The following GALNT13 variants were observed in gnomAD, a reference collection of about 807,000 sequenced individuals.
The protein encoded by GALNT13 is polypeptide N-acetylgalactosaminyltransferase 13.
Under a neutral mutation model 64.2 loss-of-function variants are expected in GALNT13, and 28 were observed. That is an observed-to-expected ratio of 0.44 (90% CI 0.32 to 0.60). GALNT13 has a LOEUF of 0.60. Ranked by LOEUF, GALNT13 falls within the 20% of genes least tolerant of loss-of-function variation. The probability of loss-of-function intolerance (pLI) is 0.05; values close to 1 mark genes in which losing one functional copy is unlikely to be tolerated. For synonymous variants in GALNT13, 214 were observed against 224.6 expected (o/e 0.95, Z 0.42); for missense variants, 577 against 669.8 (o/e 0.86, Z 1.53).
chr2:153,931,558 T>C (rs117558015), intron 2 of GALNT13, among the ~76,000 whole-genome samples: 1 of 152,114 alleles, frequency 6.6e-6, no homozygotes, highest in Non-Finnish European at 1.5e-5. Context: ...TTTAACATGA[T>C]GCCATGTTGA....
chr2:153,760,671 G>T, the GALNT13 span, among the ~76,000 whole-genome samples: 1 of 152,120 alleles, frequency 6.6e-6, no homozygotes, highest in Admixed American at 6.5e-5. Flanking sequence ...CTATCCTGGA[G>T]AATGTTCCAT....
At chr2:153,962,923 T>A (rs72865096) in intron 3 of GALNT13, among the ~76,000 whole-genome samples, 520 of 152,334 alleles carry the variant, frequency 3.4e-3, no homozygotes, top group Middle Eastern at 0.02. Context: ...AGATTAATAA[T>A]GTTATTGGGT....
At chr2:154,389,567 GAC>G (rs1249435677) in intron 9 of GALNT13, among the ~76,000 whole-genome samples, 7 of 152,146 alleles carry the variant, frequency 4.6e-5, no homozygotes, top group African/African-American at 7.2e-5. Flanking sequence ...ATTTTAGAGA[GAC>G]AGAACTATTA....
At chr2:153,614,897 C>G in the GALNT13 span, among the ~76,000 whole-genome samples, 1 of 152,080 alleles carries the variant, frequency 6.6e-6, no homozygotes, top group Non-Finnish European at 1.5e-5. Flanking sequence ...CAATTACACT[C>G]TTTATTTTAA....
chr2:153,888,309 C>T (rs550593729), intron 1 of GALNT13, among the ~76,000 whole-genome samples: 2 of 151,964 alleles, frequency 1.3e-5, no homozygotes, highest in Non-Finnish European at 2.9e-5. Flanking sequence ...GCTCCAAGAA[C>T]ATATTCAGTA....
intron 9 of GALNT13, among the ~76,000 whole-genome samples, chr2:154,382,423 A>G (rs1698315442): frequency 6.6e-6 from 1 of 152,104 alleles, no homozygotes; most frequent in Admixed American, 6.6e-5. Context: ...TGTTAAGTTC[A>G]GTTTTTGAAG....
intron 11 of GALNT13, among the ~76,000 whole-genome samples, chr2:154,422,524 A>T (rs995370472): frequency 1.3e-5 from 2 of 152,206 alleles, no homozygotes; most frequent in Non-Finnish European, 1.5e-5. Flanking sequence ...TCCAATTTCG[A>T]ATAGAAAATC....
At chr2:153,177,480 A>G in the GALNT13 span, among the ~76,000 whole-genome samples, 1 of 152,140 alleles carries the variant, frequency 6.6e-6, no homozygotes, top group Non-Finnish European at 1.5e-5. Flanking sequence ...CCAAAGGTAG[A>G]TGGATTAATA....
At chr2:153,304,375 T>C in the GALNT13 span, among the ~76,000 whole-genome samples, 1 of 152,010 alleles carries the variant, frequency 6.6e-6, no homozygotes, top group East Asian at 1.9e-4. Flanking sequence ...AGAAATAAAA[T>C]TGATTGACCA....
the GALNT13 span, among the ~76,000 whole-genome samples, chr2:153,346,013 C>T: frequency 6.6e-5 from 10 of 151,696 alleles, 1 homozygote; most frequent in East Asian, 3.9e-4. Context: ...CTTGCTCTGT[C>T]GCCCAGGCTG....
At chr2:153,219,421 G>A in the GALNT13 span, among the ~76,000 whole-genome samples, 1 of 152,130 alleles carries the variant, frequency 6.6e-6, no homozygotes, top group Non-Finnish European at 1.5e-5. Flanking sequence ...TGTATCAAGG[G>A]TTTTATGATC....
chr2:154,276,860 G>C (rs889405879), intron 8 of GALNT13, among the ~76,000 whole-genome samples: 9 of 152,138 alleles, frequency 5.9e-5, no homozygotes, highest in African/African-American at 1.7e-4. Context: ...TCCCCCTTTT[G>C]CTGGGTGCTT....
chr2:153,890,598 C>T (rs71417287), intron 1 of GALNT13, among the ~76,000 whole-genome samples: 1,645 of 152,160 alleles, frequency 0.011, 11 homozygotes, highest in Middle Eastern at 0.037. Context: ...TTTTAGCTGA[C>T]ACTTTTATCT....
chr2:154,137,688 A>G (rs895145901), intron 3 of GALNT13, among the ~76,000 whole-genome samples: 3 of 152,104 alleles, frequency 2.0e-5, no homozygotes, highest in African/African-American at 7.2e-5. Context: ...AAGGTGTTAG[A>G]GTTGAGCCCA....
chr2:153,986,839 C>CTTGTATTTCAT (rs1163838153), intron 3 of GALNT13, among the ~76,000 whole-genome samples: 5 of 151,866 alleles, frequency 3.3e-5, no homozygotes, highest in African/African-American at 1.2e-4. Flanking sequence ...TCTTCTATGT[C>CTTGTATTTCAT]CTGGTAAAAC....
the GALNT13 span, among the ~76,000 whole-genome samples, chr2:153,695,895 C>A: frequency 7.2e-5 from 11 of 152,164 alleles, no homozygotes; most frequent in Non-Finnish European, 1.5e-4. Flanking sequence ...ACCCTCCTAT[C>A]CACAGAAGAT....
intron 4 of GALNT13, among the ~76,000 whole-genome samples, chr2:154,185,397 A>G (rs1303260899): frequency 1.3e-5 from 2 of 151,924 alleles, no homozygotes; most frequent in Non-Finnish European, 2.9e-5. Flanking sequence ...CCCTATTTGT[A>G]TTTGAAACGT....
intron 3 of GALNT13, among the ~76,000 whole-genome samples, chr2:154,004,489 C>T (rs953888073): frequency 3.9e-5 from 6 of 152,136 alleles, no homozygotes; most frequent in Admixed American, 6.5e-5. Context: ...CAGATGTGAG[C>T]CACCGCACCC....
chr2:153,731,944 C>T, the GALNT13 span, among the ~76,000 whole-genome samples: 1 of 151,830 alleles, frequency 6.6e-6, no homozygotes, highest in Non-Finnish European at 1.5e-5. Flanking sequence ...AAGACTGATG[C>T]TCCGAGAGCT....
Sources: gnomAD v4.1 joint callset for allele counts (sites outside exome capture counted in the v4.1 genomes callset) on GRCh38, gnomAD v4.1.1 for gene constraint, MANE v1.5 for transcripts, NCBI Gene and HGNC (gene_info 2026-07-23, HGNC 2026-07-21) for gene names.